CUL1: variants seen among roughly 807,000 people sequenced by gnomAD.
The protein encoded by CUL1 is cullin-1.
A neutral mutation model predicts 118.0 loss-of-function variants in CUL1; 24 were observed. The observed-to-expected ratio is 0.20, with a 90% CI of 0.15 to 0.29. CUL1 has a LOEUF of 0.29. Among genes scored for constraint, CUL1 ranks in the 10% least tolerant of loss-of-function variants. The probability of loss-of-function intolerance (pLI) is 1.00; values close to 1 mark genes in which losing one functional copy is unlikely to be tolerated. For synonymous variants in CUL1, 332 were observed against 340.4 expected, an observed-to-expected ratio of 0.98 and a Z score of 0.27; for missense variants, 361 against 933.8, an observed-to-expected ratio of 0.39 and a Z score of 7.99.
chr7:148,795,424 A>G (rs181550911), intron 17 of CUL1, among the ~76,000 whole-genome samples: 496 of 151,892 alleles, frequency 3.3e-3, no homozygotes, highest in African/African-American at 0.012. Flanking sequence ...ATGAGCCACC[A>G]TGCCAGCCTG....
In CUL1 at chr7:148,787,799, G is replaced by A. The variant is rs770682418; in HGVS notation, c.1479+679G>A. 1.4e-4 allele frequency among the ~76,000 whole-genome samples: 22 copies of A among 152,184 alleles called. No homozygotes were observed. Among genetic ancestry groups the A allele is most frequent in the Non-Finnish European group, 2.6e-4 (18 of 68,038 alleles). ...CTGGGCTTGGTTACTTTGCTGTCAC[G>A]CAGCCCTTCCTCTGCCACCTCCTTT... On this transcript the variant is annotated intron_variant, in intron 13 of 21. Coordinates refer to ENST00000325222, the MANE Select transcript of CUL1 (RefSeq NM_003592.3). The surrounding 1 kb of genome is among the most constrained non-coding windows in gnomAD (Gnocchi z 5.5).
At chr7:148,743,852 G>T (rs1474190710) in intron 2 of CUL1, among the ~76,000 whole-genome samples, 2 of 152,188 alleles carry the variant, frequency 1.3e-5, no homozygotes, top group Admixed American at 1.3e-4. Flanking sequence ...AACCTGGGAG[G>T]TGGAGGTTTC....
At chr7:148,749,197 A>T (rs973593607) in intron 2 of CUL1, among the ~76,000 whole-genome samples, 1 of 152,158 alleles carries the variant, frequency 6.6e-6, no homozygotes, top group Non-Finnish European at 1.5e-5. Flanking sequence ...TGGGCAGATC[A>T]CCTGAGGTCA....
chr7:148,767,570 A>T, intron 8 of CUL1, 49 bp from the exon 9 acceptor site: 2 of 1,561,030 alleles, frequency 1.3e-6, no homozygotes, highest in South Asian at 2.3e-5. Flanking sequence ...AGTAGAATGG[A>T]TATGCAAAAT....
chr7:148,701,409 T>C (rs1403270157), intron 1 of CUL1, among the ~76,000 whole-genome samples: 1 of 152,200 alleles, frequency 6.6e-6, no homozygotes, highest in East Asian at 1.9e-4. Context: ...AGGTTTTCTA[T>C]ACCTATGGAA....
chr7:148,755,830 TG>T (rs771530294), intron 3 of CUL1, among the ~76,000 whole-genome samples: 19 of 152,246 alleles, frequency 1.2e-4, no homozygotes, highest in Admixed American at 6.5e-4. Context: ...TTACATGGCT[TG>T]TTTGGTCACT....
chr7:148,793,406 A>G (rs1346663219), intron 17 of CUL1, among the ~76,000 whole-genome samples: 2 of 152,172 alleles, frequency 1.3e-5, no homozygotes, highest in East Asian at 1.9e-4. Context: ...CCATTATCCA[A>G]TTCCAGAGTG....
intron 2 of CUL1, among the ~76,000 whole-genome samples, chr7:148,730,897 A>G (rs949910298): frequency 1.8e-4 from 28 of 152,062 alleles, no homozygotes; most frequent in Non-Finnish European, 2.9e-5. Context: ...CCGCAGCCTC[A>G]ACTACCTGCA....
intron 2 of CUL1, among the ~76,000 whole-genome samples, 157 bp from the exon 3 acceptor site, chr7:148,753,819 T>C (rs1229908445): frequency 1.3e-5 from 2 of 152,242 alleles, no homozygotes; most frequent in African/African-American, 4.8e-5. Context: ...TTTAGCTTTA[T>C]GGATAGTGTG....
chr7:148,783,922 G>T (rs765320161), intron 10 of CUL1, 32 bp downstream of exon 10: 100 of 1,613,348 alleles, frequency 6.2e-5, no homozygotes, highest in Non-Finnish European at 8.3e-5. Flanking sequence ...CTTGCCTGTA[G>T]TATGTATGGA....
intron 1 of CUL1, among the ~76,000 whole-genome samples, chr7:148,702,725 G>A (rs908074351): frequency 1.5e-4 from 23 of 152,142 alleles, no homozygotes; most frequent in Non-Finnish European, 3.2e-4. Flanking sequence ...CTGGAAAGCT[G>A]GCCCTGATGT....
chr7:148,749,425 A>G (rs1799412473), intron 2 of CUL1, among the ~76,000 whole-genome samples: 2 of 151,200 alleles, frequency 1.3e-5, no homozygotes, highest in South Asian at 4.2e-4. Flanking sequence ...CAAAAAAAAA[A>G]AAAAAAAAAA....
At chr7:148,721,779 A>G (rs530750431) in intron 1 of CUL1, among the ~76,000 whole-genome samples, 169 of 152,106 alleles carry the variant, frequency 1.1e-3, no homozygotes, top group Non-Finnish European at 2.0e-3. Context: ...GTGTAGCTGA[A>G]GTTGGCTCAT....
Position 148,776,307 on chromosome 7 carries a change from C to CTT in CUL1, c.1084-7450_1084-7449dup, listed in dbSNP as rs746777462. Among the ~76,000 whole-genome samples the CTT allele has an allele frequency of 4.7e-4, 19 of 40,688 alleles. 3 individuals are homozygous for CTT. Among genetic ancestry groups the CTT allele is most frequent in the African/African-American group, 1.1e-3 (10 of 8,722 alleles). 26.7% of individuals were successfully genotyped at this position (40,688 alleles called of 152,430 possible). A position where few individuals can be genotyped will look rare whatever the true frequency, so the allele number is the denominator to read the frequency against. On this transcript the variant is annotated intron_variant, in intron 9 of 21. Coordinates refer to ENST00000325222, the MANE Select transcript of CUL1 (RefSeq NM_003592.3). ...CATTTTGGAGTCTAACATAACCAGG[C>CTT]TTTTTTTTTTTTTTTTTTTTTTTTT...
chr7:148,794,579 C>T (rs1801122000), intron 17 of CUL1, among the ~76,000 whole-genome samples: 1 of 152,160 alleles, frequency 6.6e-6, no homozygotes, highest in African/African-American at 2.4e-5. Flanking sequence ...ATTTCAAGAT[C>T]AGCTTGTCCA....
chr7:148,768,980 G>GA (rs980479068), intron 9 of CUL1, among the ~76,000 whole-genome samples: 6 of 152,096 alleles, frequency 3.9e-5, no homozygotes, highest in African/African-American at 1.4e-4. Context: ...CTCAGCCGTG[G>GA]ATTTTATGAA....
Position 148,800,372 on chromosome 7 carries a change from G to A in CUL1, c.2251-130G>A, listed in dbSNP as rs1801346525. The A allele has an allele frequency of 2.9e-6, 2 of 690,176 alleles. No homozygotes were observed. The highest frequency in any genetic ancestry group is 1.7e-5 in the South Asian group (1 of 57,586). 42.8% of individuals were successfully genotyped at this position (690,176 alleles called of 1,614,324 possible). A position where few individuals can be genotyped will look rare whatever the true frequency, so the allele number is the denominator to read the frequency against. ...AACTCTATGCTAACAGATCTGGGGC[G>A]GGGACACTGCTCCCCACTGAGCTCC... On this transcript the variant is annotated intron_variant, in intron 21 of 21. Transcript: ENST00000325222. The surrounding 1 kb of genome is among the most constrained non-coding windows in gnomAD (Gnocchi z 4.6).
In CUL1 at chr7:148,770,716, C is replaced by T. The variant is rs547482781; in HGVS notation, c.1083+2967C>T. The stretch of plus-strand genomic sequence containing the variant: ...CCACAGAATTGAAGCTCAGGGGGAG[C>T]GTGGGTGCCCGGGCCATAGCCTGGC... On this transcript the variant is annotated intron_variant, in intron 9 of 21. Transcript: ENST00000325222. Among the ~76,000 whole-genome samples, 16 of 152,218 alleles carry T rather than the reference C, an allele frequency of 1.1e-4. 1 individual carries two copies. Among genetic ancestry groups the T allele is most frequent in the Non-Finnish European group, 1.9e-4 (13 of 68,016 alleles).
At chr7:148,725,219 G>GTGCGCGCACACACACACA (rs1554463797) in intron 1 of CUL1, among the ~76,000 whole-genome samples, 1 of 140,060 alleles carries the variant, frequency 7.1e-6, no homozygotes, top group Non-Finnish European at 1.5e-5. Flanking sequence ...ACACGCGCGC[G>GTGCGCGCACACACACACA]CTCACACACA....
Sources: allele counts gnomAD v4.1 joint callset (sites outside exome capture counted in the v4.1 genomes callset), GRCh38; gene constraint gnomAD v4.1.1; non-coding constraint Gnocchi (gnomAD v3.1); transcripts MANE v1.5; gene names NCBI Gene and HGNC (gene_info 2026-07-23, HGNC 2026-07-21).